PRTG: variants seen among roughly 807,000 people sequenced by gnomAD.
PRTG encodes immunoglobulin superfamily, DCC subclass, member 5.
Under a neutral mutation model 122.5 loss-of-function variants are expected in PRTG, and 67 were observed. The observed-to-expected ratio is 0.55, with a 90% confidence interval of 0.45 to 0.67. PRTG has a LOEUF of 0.67. Among genes scored for constraint, PRTG ranks in the 30% least tolerant of loss-of-function variants. PRTG has a pLI of 0.00. For missense variants in PRTG, 1,435 were observed against 1,415.4 expected (o/e 1.01, Z -0.22); for synonymous variants, 554 against 501.1 (o/e 1.11, Z -1.41).
intron 2 of PRTG, among the ~76,000 whole-genome samples, chr15:55,714,201 A>ATCTCTCTC (rs1357049500): frequency 1.3e-5 from 1 of 75,862 alleles, no homozygotes; most frequent in Non-Finnish European, 3.1e-5. Flanking sequence ...CTATCTATTT[A>ATCTCTCTC]TCTGTCTCTC....
intron 2 of PRTG, among the ~76,000 whole-genome samples, chr15:55,689,653 C>G (rs975946876): frequency 6.7e-6 from 1 of 149,458 alleles, no homozygotes; most frequent in African/African-American, 2.5e-5. Context: ...AAAGGCCAGG[C>G]GCAGTGGCTC....
At chr15:55,687,009 T>G (rs1320355684) in intron 2 of PRTG, among the ~76,000 whole-genome samples, 1 of 152,222 alleles carries the variant, frequency 6.6e-6, no homozygotes, top group Non-Finnish European at 1.5e-5. Flanking sequence ...CTTCCTCCGC[T>G]TCTACATTAT....
Position 55,675,500 on chromosome 15 carries a change from T to C in PRTG, c.1546+19A>G. On this transcript the variant is annotated intron_variant, in intron 9 of 19. Coordinates refer to ENST00000389286, the MANE Select transcript of PRTG (RefSeq NM_173814.6). Reference sequence around the variant, plus strand: ...TACGAATGTTCATACTGAAATGATCTAGAATCATGTTTTCTTACCATCCTC... The same window carrying C: ...TACGAATGTTCATACTGAAATGATCCAGAATCATGTTTTCTTACCATCCTC... The C allele has an allele frequency of 6.4e-7, 1 of 1,568,766 alleles. No individual in the cohort carries two copies. Among genetic ancestry groups the C allele is most frequent in the Non-Finnish European group, 8.7e-7 (1 of 1,146,178 alleles).
In PRTG at chr15:55,720,391, A is replaced by T. The variant is rs113547431; in HGVS notation, c.397+19991T>A. ...AAACAAAACAAAATAAAACAAACAT[A>T]AAAAAAAAACTATGGCTGTTTTCTT... On this transcript the variant is annotated intron_variant, in intron 2 of 19. Transcript: ENST00000389286. Among the ~76,000 whole-genome samples the T allele has an allele frequency of 6.4e-3, 959 of 149,194 alleles. 11 individuals carry two copies. Among genetic ancestry groups the T allele is most frequent in the African/African-American group, 0.023 (924 of 40,804 alleles).
At chr15:55,674,901 C>G (rs189609172) in intron 9 of PRTG, among the ~76,000 whole-genome samples, 2 of 152,054 alleles carry the variant, frequency 1.3e-5, no homozygotes, top group Admixed American at 1.3e-4. Flanking sequence ...GGTATGAAGA[C>G]TCAGAGGAGG....
intron 3 of PRTG, among the ~76,000 whole-genome samples, chr15:55,683,294 T>C (rs533847597): frequency 6.6e-6 from 1 of 152,210 alleles, no homozygotes; most frequent in Admixed American, 6.5e-5. Context: ...TCAAACTTTT[T>C]GGAGTTGCTA....
At chr15:55,696,909 G>A (rs1004714610) in intron 2 of PRTG, among the ~76,000 whole-genome samples, 14 of 152,172 alleles carry the variant, frequency 9.2e-5, no homozygotes, top group Admixed American at 6.5e-5. Flanking sequence ...AAAGGCTAGA[G>A]ACTTTGTAAC....
chr15:55,732,194 G>A (rs1408962567), intron 2 of PRTG, among the ~76,000 whole-genome samples: 1 of 152,072 alleles, frequency 6.6e-6, no homozygotes, highest in Non-Finnish European at 1.5e-5. Context: ...AGATTTGTTT[G>A]TTTTTGTTTT....
At chr15:55,714,374 G>A (rs1487462630) in intron 2 of PRTG, among the ~76,000 whole-genome samples, 1 of 151,688 alleles carries the variant, frequency 6.6e-6, no homozygotes, top group Non-Finnish European at 1.5e-5. Context: ...CTACAGATGT[G>A]CACCCCCACC....
chr15:55,720,562 C>T (rs538336950), intron 2 of PRTG, among the ~76,000 whole-genome samples: 3 of 152,172 alleles, frequency 2.0e-5, no homozygotes, highest in African/African-American at 7.2e-5. Flanking sequence ...CTCATGTGGT[C>T]GTCCATCTAC....
intron 2 of PRTG, among the ~76,000 whole-genome samples, chr15:55,730,381 C>A (rs970358270): frequency 2.6e-5 from 4 of 151,620 alleles, no homozygotes; most frequent in African/African-American, 4.8e-5. Flanking sequence ...GGATTACAGG[C>A]ATGTGCCACA....
intron 11 of PRTG, among the ~76,000 whole-genome samples, chr15:55,665,191 T>TGGA (rs2059432256): frequency 6.6e-6 from 1 of 151,024 alleles, no homozygotes; most frequent in African/African-American, 2.4e-5. Context: ...ACCAGGGAGG[T>TGGA]GGAGCTTGCA....
intron 1 of PRTG, among the ~76,000 whole-genome samples, chr15:55,741,638 G>A (rs534905473): frequency 6.6e-6 from 1 of 152,260 alleles, no homozygotes; most frequent in South Asian, 2.1e-4. Flanking sequence ...TGGAGAATGG[G>A]GGTGTGTGGG....
chr15:55,673,659 C>A lies in PRTG; in HGVS notation c.1564G>T (p.Glu522Ter), dbSNP rs1422983218. 1 of 1,613,688 alleles carries A rather than the reference C, an allele frequency of 6.2e-7. No homozygotes were observed. The highest frequency in any genetic ancestry group is 8.5e-7 in the Non-Finnish European group (1 of 1,179,606). Residue 522 changes from glutamate to a stop codon, truncating the protein, a stop_gained, in exon 10 of 20, where the codon GAA becomes TAA. Coordinates refer to ENST00000389286, the MANE Select transcript of PRTG (RefSeq NM_173814.6). LOFTEE classifies it high-confidence loss of function. ...TLEDVPLRPPEISLTSRSPTD... is the reference protein window; with the variant it reads ...TLEDVPLRPP ...GGACTTCGACTTGTCAAACTAATTT[C>A]AGGAGGTCTCAGGGGAACTAGTCAT...
chr15:55,683,884 C>T lies in PRTG; in HGVS notation c.445G>A (p.Gly149Ser). ...VQPISTEVHE[G>S]GVARFACKIS... ...TTGCATGCAAATCGAGCAACTCCAC[C>T]TTCGTGGACCTCAGTGGAAATTGGC... Residue 149 changes from glycine (G) to serine (S), a missense_variant, in exon 3 of 20, where the codon GGT (glycine) becomes AGT (serine). Transcript: ENST00000389286. The T allele has an allele frequency of 1.2e-6, 2 of 1,613,650 alleles. No homozygotes were observed.
At chr15:55,722,985 G>A (rs899285647) in intron 2 of PRTG, among the ~76,000 whole-genome samples, 33 of 152,148 alleles carry the variant, frequency 2.2e-4, no homozygotes, top group Non-Finnish European at 8.8e-5. Context: ...ACAACAGGAG[G>A]CTTTCTTTTG....
At chr15:55,670,630 G>A (rs2059464140) in intron 11 of PRTG, among the ~76,000 whole-genome samples, 1 of 152,036 alleles carries the variant, frequency 6.6e-6, no homozygotes, top group Non-Finnish European at 1.5e-5. Flanking sequence ...GCCGGGCACA[G>A]TGGCTCACGC....
chr15:55,670,902 A>C (rs974821912), intron 11 of PRTG, among the ~76,000 whole-genome samples: 1 of 143,808 alleles, frequency 7.0e-6, no homozygotes, highest in African/African-American at 2.6e-5. Flanking sequence ...CTCCGTCACA[A>C]ACACACACAC....
At chr15:55,726,127 G>C (rs746334894) in intron 2 of PRTG, among the ~76,000 whole-genome samples, 1 of 152,214 alleles carries the variant, frequency 6.6e-6, no homozygotes, top group Non-Finnish European at 1.5e-5. Context: ...ATTTTTAGTC[G>C]AGACGGGGTT....
Sources: gnomAD v4.1 joint callset for allele counts (sites outside exome capture counted in the v4.1 genomes callset) on GRCh38, gnomAD v4.1.1 for gene constraint, MANE v1.5 for transcripts, NCBI Gene and HGNC (gene_info 2026-07-23, HGNC 2026-07-21) for gene names.